The following FARP1 variants were observed in gnomAD, a reference collection of about 807,000 sequenced individuals.
The protein encoded by FARP1 is FERM, ARHGEF and pleckstrin domain-containing protein 1.
FARP1 carries 52 observed loss-of-function variants against 128.8 expected under a neutral mutation model. The observed-to-expected ratio is 0.40, with a 90% confidence interval of 0.32 to 0.51. FARP1 has a LOEUF of 0.51. FARP1 is among the 20% of genes least tolerant of loss of function. FARP1 has a pLI of 0.45. For synonymous variants in FARP1, 580 were observed against 551.8 expected, an observed-to-expected ratio of 1.05 and a Z score of -0.72; for missense variants, 1,333 against 1,367.9, an observed-to-expected ratio of 0.97 and a Z score of 0.40.
chr13:98,453,066 GGC>G lies in FARP1; in HGVS notation c.*4752_*4753del, dbSNP rs1406544571. ...GCCTGGCGCTGGGGTGGCTCCCAGT[GGC>G]GCACCTCTTCGGTGGAGTCAGCGAA... On this transcript the variant is annotated 3_prime_UTR_variant, in exon 27 of 27. Coordinates refer to ENST00000319562, the MANE Select transcript of FARP1 (RefSeq NM_005766.4). 7.5e-7 allele frequency: 1 copy of G among 1,336,788 alleles called. No individual in the cohort carries two copies. The highest frequency in any genetic ancestry group is 1.1e-6 in the Non-Finnish European group (1 of 952,106). 82.8% of individuals were successfully genotyped at this position (1,336,788 alleles called of 1,614,324 possible).
chr13:98,445,446 A>G (rs1892766292), intron 24 of FARP1: 1 of 152,144 alleles, frequency 6.6e-6, no homozygotes, highest in African/African-American at 2.4e-5. Flanking sequence ...CATCCTAACA[A>G]TGCTCCAGGG....
intron 2 of FARP1, among the ~76,000 whole-genome samples, chr13:98,239,923 AG>A (rs1448866396): frequency 6.6e-6 from 1 of 152,176 alleles, no homozygotes; most frequent in Non-Finnish European, 1.5e-5. Context: ...AGGGGCCCAA[AG>A]ACACCTGGGC....
chr13:98,361,191 T>C (rs2139948604), intron 3 of FARP1, among the ~76,000 whole-genome samples: 1 of 152,310 alleles, frequency 6.6e-6, no homozygotes. Context: ...AGCTCTGCAA[T>C]CTCGCTGGGA....
chr13:98,170,098 A>G (rs138610959), intron 1 of FARP1, among the ~76,000 whole-genome samples: 146 of 152,130 alleles, frequency 9.6e-4, no homozygotes, highest in African/African-American at 2.6e-3. Flanking sequence ...TTCCATAGCA[A>G]CTCTTCTTGT....
At chr13:98,314,274 C>CTTTTTTTTT (rs140938723) in intron 2 of FARP1, among the ~76,000 whole-genome samples, 5 of 60,038 alleles carry the variant, frequency 8.3e-5, no homozygotes, top group African/African-American at 2.7e-4. Flanking sequence ...TATTTTATGT[C>CTTTTTTTTT]TTTTTTTTTT....
intron 1 of FARP1, among the ~76,000 whole-genome samples, chr13:98,198,675 G>C (rs995435910): frequency 1.3e-5 from 2 of 151,816 alleles, no homozygotes; most frequent in African/African-American, 4.8e-5. Context: ...CCAGGAGTTA[G>C]AAACCAGCCT....
At chr13:98,349,700 A>T (rs866532833) in intron 3 of FARP1, among the ~76,000 whole-genome samples, 1 of 144,328 alleles carries the variant, frequency 6.9e-6, no homozygotes, top group African/African-American at 2.6e-5. Flanking sequence ...AAAAAAAAAA[A>T]AAGACAATGC....
chr13:98,220,726 T>C (rs965917135), intron 2 of FARP1, among the ~76,000 whole-genome samples: 13 of 152,174 alleles, frequency 8.5e-5, no homozygotes, highest in South Asian at 2.1e-4. Flanking sequence ...GAGCAAAGAG[T>C]AGAATTTAAG....
chr13:98,318,497 C>T (rs1886842240), intron 2 of FARP1, among the ~76,000 whole-genome samples: 1 of 152,208 alleles, frequency 6.6e-6, no homozygotes, highest in Non-Finnish European at 1.5e-5. Context: ...TTGGATGGGG[C>T]ACAGTTTAGT....
intron 1 of FARP1, among the ~76,000 whole-genome samples, chr13:98,194,664 A>C (rs9919832): frequency 6.6e-6 from 1 of 152,202 alleles, no homozygotes; most frequent in Admixed American, 6.5e-5. Context: ...CAAGTAAAAC[A>C]CATTTGAGAA....
chr13:98,187,313 A>G (rs1024195742), intron 1 of FARP1, among the ~76,000 whole-genome samples: 2 of 152,184 alleles, frequency 1.3e-5, no homozygotes, highest in South Asian at 4.1e-4. Flanking sequence ...GAATGTTTAC[A>G]CTGTAATGTG....
chr13:98,335,069 C>T (rs1233341452), intron 2 of FARP1, among the ~76,000 whole-genome samples: 2 of 152,230 alleles, frequency 1.3e-5, no homozygotes, highest in Admixed American at 1.3e-4. Context: ...TTAGGTACTC[C>T]ACTCTCAAAG....
chr13:98,282,132 CT>C (rs1294768720), intron 2 of FARP1, among the ~76,000 whole-genome samples: 5 of 152,014 alleles, frequency 3.3e-5, no homozygotes, highest in Non-Finnish European at 7.4e-5. Flanking sequence ...TGGTGAAACC[CT>C]GTCTCTAAAA....
rs1181144522 is a variant in FARP1 at position 98,424,517 on chromosome 13, G to A, written c.1827-55G>A. 3.6e-6 allele frequency: 4 copies of A among 1,107,844 alleles called. No individual in the cohort carries two copies. In the East Asian group the frequency reaches 7.0e-5, roughly 20 times the overall value. 68.6% of individuals were successfully genotyped at this position (1,107,844 alleles called of 1,614,324 possible). The stretch of plus-strand genomic sequence containing the variant: ...GGTAGGCTGATATTTGTAACCCAGG[G>A]CTGTCATGTCACTACTGATGCTTTG... On this transcript the variant is annotated intron_variant, in intron 16 of 26. Transcript: ENST00000319562.
At chr13:98,193,747 A>G (rs1029338311) in intron 1 of FARP1, among the ~76,000 whole-genome samples, 6 of 152,200 alleles carry the variant, frequency 3.9e-5, no homozygotes, top group African/African-American at 4.8e-5. Flanking sequence ...AAATCCAGCT[A>G]TGATATGGCT....
intron 10 of FARP1, 58 bp downstream of exon 10, chr13:98,390,178 C>CA: frequency 5.1e-6 from 8 of 1,563,244 alleles, no homozygotes; most frequent in Non-Finnish European, 1.7e-6. Flanking sequence ...TCCCGCCTCT[C>CA]ACAGCCGCTG....
At chr13:98,343,098 C>T (rs1594424520) in intron 2 of FARP1, among the ~76,000 whole-genome samples, 1 of 152,004 alleles carries the variant, frequency 6.6e-6, no homozygotes, top group South Asian at 2.1e-4. Flanking sequence ...GCAAAGGCTA[C>T]GTACTGTATG....
At chr13:98,204,664 A>G (rs937695412) in intron 1 of FARP1, among the ~76,000 whole-genome samples, 2 of 152,154 alleles carry the variant, frequency 1.3e-5, no homozygotes, top group African/African-American at 4.8e-5. Context: ...CACCTGTTTA[A>G]AATGTTTGGC....
In FARP1 at chr13:98,368,198, T is replaced by C; in HGVS notation, c.398+3T>C. 1 of 1,611,180 alleles carries C rather than the reference T, an allele frequency of 6.2e-7. No homozygotes were observed. Among genetic ancestry groups the C allele is most frequent in the South Asian group, 1.1e-5 (1 of 90,888 alleles). ...CAACTCCAAGAAGAACTCACAAGGT[T>C]AGTGGTTTGGAAACTGTGTATTTTT... On this transcript the variant is annotated splice_donor_region_variant and intron_variant, in intron 5 of 26. Coordinates refer to ENST00000319562, the MANE Select transcript of FARP1 (RefSeq NM_005766.4).
Sources: gnomAD v4.1 joint callset for allele counts (sites outside exome capture counted in the v4.1 genomes callset) on GRCh38, gnomAD v4.1.1 for gene constraint, MANE v1.5 for transcripts, NCBI Gene and HGNC (gene_info 2026-07-23, HGNC 2026-07-21) for gene names.